The following MYO16 variants were observed in gnomAD, a reference collection of about 807,000 sequenced individuals.
The protein encoded by MYO16 is myosin XVI, also known as unconventional myosin-XVI.
A neutral mutation model predicts 205.3 loss-of-function variants in MYO16; 94 were observed. The observed-to-expected ratio is 0.46, with a 90% confidence interval of 0.39 to 0.54. MYO16 has a LOEUF of 0.54. MYO16 is among the 20% of genes least tolerant of loss of function. The probability of loss-of-function intolerance (pLI) is 0.00; values close to 1 mark genes in which losing one functional copy is unlikely to be tolerated. For synonymous variants in MYO16, 988 were observed against 954.0 expected (o/e 1.04, Z -0.66); for missense variants, 2,315 against 2,387.5 (o/e 0.97, Z 0.63).
intron 1 of MYO16, among the ~76,000 whole-genome samples, chr13:108,601,736 T>A (rs2139300568): frequency 6.6e-6 from 1 of 152,212 alleles, no homozygotes; most frequent in South Asian, 2.1e-4. Context: ...AGTCCTTGTA[T>A]TTAGAATAAG....
At chr13:108,972,354 A>C (rs4773016) in intron 20 of MYO16, among the ~76,000 whole-genome samples, 4,771 of 7,098 alleles carry the variant, frequency 0.67, 1,477 homozygotes, top group South Asian at 0.76. Context: ...ATATAGCCAT[A>C]TATATATATA....
intron 32 of MYO16, among the ~76,000 whole-genome samples, chr13:109,156,193 G>A (rs900183355): frequency 7.2e-5 from 11 of 152,134 alleles, no homozygotes; most frequent in Non-Finnish European, 1.3e-4. Context: ...ATTTCAGGTC[G>A]AAGTGCTTGT....
intron 27 of MYO16, chr13:109,056,093 G>T (rs1887409626): frequency 6.3e-6 from 1 of 158,172 alleles, no homozygotes; most frequent in Non-Finnish European, 1.4e-5. Context: ...AACCACTTTT[G>T]CACTGCAATA....
chr13:108,528,470 T>A, the MYO16 span, among the ~76,000 whole-genome samples: 406 of 152,048 alleles, frequency 2.7e-3, 3 homozygotes, highest in African/African-American at 9.1e-3. Flanking sequence ...TTTAAAATGC[T>A]AGTTCATGTA....
At chr13:108,619,754 C>T (rs911392013) in intron 1 of MYO16, among the ~76,000 whole-genome samples, 4 of 152,132 alleles carry the variant, frequency 2.6e-5, no homozygotes, top group Admixed American at 6.6e-5. Context: ...TCCACCTTCT[C>T]CTCTCCAGAT....
At chr13:108,764,406 T>C (rs1885712195) in intron 4 of MYO16, among the ~76,000 whole-genome samples, 1 of 152,094 alleles carries the variant, frequency 6.6e-6, no homozygotes, top group African/African-American at 2.4e-5. Context: ...AGAGCAGATA[T>C]AGAGTGTTCA....
chr13:108,506,971 T>C, the MYO16 span, among the ~76,000 whole-genome samples: 1 of 152,180 alleles, frequency 6.6e-6, no homozygotes, highest in East Asian at 1.9e-4. Context: ...ATTCTGATAA[T>C]GTGATGTTTT....
chr13:108,852,597 G>A (rs528713686), intron 10 of MYO16, among the ~76,000 whole-genome samples: 2 of 152,328 alleles, frequency 1.3e-5, no homozygotes, highest in African/African-American at 4.8e-5. Flanking sequence ...CTAAAGCAAA[G>A]GAAAGCTGAG....
Position 108,824,992 on chromosome 13 carries a change from C to T in MYO16, c.1097+1714C>T, listed in dbSNP as rs142358888. Among the ~76,000 whole-genome samples, 831 of 152,160 alleles carry T rather than the reference C, an allele frequency of 5.5e-3. 9 individuals are homozygous for T. Among genetic ancestry groups the T allele is most frequent in the African/African-American group, 0.018 (744 of 41,554 alleles). ...TTCTTCCAAATGTTTAAAGAATTAA[C>T]GCCAATCTGTCACAAACACTTTCAA... On this transcript the variant is annotated intron_variant, in intron 9 of 34. Coordinates refer to ENST00000457511, the MANE Select transcript of MYO16 (RefSeq NM_001198950.3).
Position 109,125,217 on chromosome 13 carries a change from G to C in MYO16, c.3641G>C (p.Gly1214Ala), listed in dbSNP as rs758973340. 3 of 1,614,128 alleles carry C rather than the reference G, an allele frequency of 1.9e-6. No individual in the cohort carries two copies. The highest frequency in any genetic ancestry group is 1.7e-6 in the Non-Finnish European group (2 of 1,180,022). The change falls in exon 30 of 35, where the codon GGG becomes GCG. Residue 1214 changes from glycine (G) to alanine (A), a missense_variant. Around this residue, in one of 3 missense-constraint regions of MYO16, gnomAD observed 1,097 missense variants for 1,092.0 expected, o/e 1.00. Coordinates refer to ENST00000457511, the MANE Select transcript of MYO16 (RefSeq NM_001198950.3). This position sits in a 1 kb window ranked among gnomAD's most constrained non-coding sequence, Gnocchi z 4.0. ...TTTCTGCAGAACACAGAGGACATGG[G>C]GCTGAAAACCTACGATGCCCTGGTC... Reference protein sequence around the residue: ...NSFLQNTEDMGLKTYDALVIQ... With the variant: ...NSFLQNTEDMALKTYDALVIQ...
rs751602152 is a variant in MYO16 at position 109,164,931 on chromosome 13, G to A, written c.5195G>A (p.Arg1732Gln). 48 of 1,587,890 alleles carry A rather than the reference G, an allele frequency of 3.0e-5. No individual in the cohort carries two copies. Among genetic ancestry groups the A allele is most frequent in the Middle Eastern group, 1.7e-4 (1 of 6,014 alleles). The change falls in exon 33 of 35, where the codon CGA (arginine) becomes CAA (glutamine). Residue 1732 changes from arginine to glutamine, a missense_variant. Coordinates refer to ENST00000457511, the MANE Select transcript of MYO16 (RefSeq NM_001198950.3). Reference sequence around the variant, plus strand: ...GAAACTAACATGAACATAAGTAGCCGAGATGACCCTAGTACGTCAGAAATT... The same window carrying A: ...GAAACTAACATGAACATAAGTAGCCAAGATGACCCTAGTACGTCAGAAATT... ...GFETNMNISS[R>Q]DDPSTSEITS...
intron 15 of MYO16, among the ~76,000 whole-genome samples, chr13:108,900,994 T>C (rs559600781): frequency 6.6e-6 from 1 of 152,304 alleles, no homozygotes; most frequent in Admixed American, 6.5e-5. Context: ...TTTACGGTTG[T>C]AGCAGAGGGA....
chr13:108,917,169 C>T (rs1019051051), intron 16 of MYO16, among the ~76,000 whole-genome samples: 3 of 152,176 alleles, frequency 2.0e-5, no homozygotes, highest in Non-Finnish European at 4.4e-5. Context: ...GAGAACGTGA[C>T]CACGTGCTGC....
At chr13:108,508,265 A>G in the MYO16 span, among the ~76,000 whole-genome samples, 1 of 151,768 alleles carries the variant, frequency 6.6e-6, no homozygotes, top group Non-Finnish European at 1.5e-5. Flanking sequence ...AAAAAAAAAA[A>G]AAGCTATCTT....
In MYO16 at chr13:109,127,674, G is replaced by C; in HGVS notation, c.4051+124G>C. On this transcript the variant is annotated intron_variant, in intron 31 of 34. Coordinates refer to ENST00000457511, the MANE Select transcript of MYO16 (RefSeq NM_001198950.3). The surrounding 1 kb of genome is among the most constrained non-coding windows in gnomAD (Gnocchi z 4.2). ...CTTAATAGAAATAAATCCAATTGTT[G>C]GCTTGCCAGCAGCTCTTAATCATTA... is the stretch of plus-strand genomic sequence containing the variant. 2 of 978,258 alleles carry C rather than the reference G, an allele frequency of 2.0e-6. No homozygotes were observed. The highest frequency in any genetic ancestry group is 2.9e-6 in the Non-Finnish European group (2 of 681,568). The allele number at this position is 978,258 out of a possible 1,614,324, so 60.6% of individuals were successfully genotyped here.
At chr13:109,128,773 T>G (rs865816221) in intron 31 of MYO16, among the ~76,000 whole-genome samples, 13 of 144,922 alleles carry the variant, frequency 9.0e-5, no homozygotes, top group Non-Finnish European at 1.8e-4. Context: ...TTTTAGTTTT[T>G]TTTTTTTTTT....
intron 28 of MYO16, among the ~76,000 whole-genome samples, chr13:109,119,156 A>G (rs748730851): frequency 2.0e-5 from 3 of 152,182 alleles, no homozygotes; most frequent in Non-Finnish European, 4.4e-5. Context: ...AATGGCTCAT[A>G]AAACATCTCT....
At chr13:108,753,650 T>C (rs1885325361) in intron 4 of MYO16, among the ~76,000 whole-genome samples, 1 of 152,128 alleles carries the variant, frequency 6.6e-6, no homozygotes, top group Non-Finnish European at 1.5e-5. Flanking sequence ...TAAGAAAATA[T>C]AGAAAGTATA....
At chr13:108,833,443 AG>A (rs1876729484) in intron 9 of MYO16, among the ~76,000 whole-genome samples, 1 of 152,194 alleles carries the variant, frequency 6.6e-6, no homozygotes, top group Non-Finnish European at 1.5e-5. Context: ...CTATGTTTGT[AG>A]GAGTAACGTT....
Sources: gnomAD v4.1 joint callset for allele counts (sites outside exome capture counted in the v4.1 genomes callset) on GRCh38, gnomAD v4.1.1 for gene constraint, gnomAD v4.1.1 regional missense constraint, Gnocchi (gnomAD v3.1) non-coding constraint, MANE v1.5 for transcripts, NCBI Gene and HGNC (gene_info 2026-07-23, HGNC 2026-07-21) for gene names.